The following RAB40B variants were observed in gnomAD, a reference collection of about 807,000 sequenced individuals.
The protein encoded by RAB40B is ras-related protein Rab-40B.
RAB40B carries 21 observed loss-of-function variants against 24.0 expected under a neutral mutation model. The ratio of observed to expected loss-of-function variants is 0.88; its 90% confidence interval spans 0.62 to 1.26. The LOEUF (loss-of-function observed/expected upper bound fraction) is 1.26. Among genes scored for constraint, RAB40B ranks in the 50% most tolerant of loss-of-function variants. The pLI, the probability that RAB40B is intolerant of heterozygous loss-of-function variation, is 0.00. For missense variants in RAB40B, 348 were observed against 390.5 expected (o/e 0.89, Z 0.92); for synonymous variants, 167 against 169.8 (o/e 0.98, Z 0.13).
intron 3 of RAB40B, among the ~76,000 whole-genome samples, chr17:82,660,679 C>G (rs2046159121): frequency 1.2e-5 from 1 of 86,762 alleles, no homozygotes; most frequent in Non-Finnish European, 2.7e-5. Flanking sequence ...CGTACCTGCA[C>G]ACACATGTAC....
rs2046274986 is a variant in RAB40B at position 82,667,698 on chromosome 17, A to G, written c.143-3142T>C. Among the ~76,000 whole-genome samples the G allele has an allele frequency of 6.6e-6, 1 of 152,116 alleles. No homozygotes were observed. Among genetic ancestry groups the G allele is most frequent in the Non-Finnish European group, 1.5e-5 (1 of 68,028 alleles). On this transcript the variant is annotated intron_variant, in intron 1 of 5. Coordinates refer to ENST00000571995, the MANE Select transcript of RAB40B (RefSeq NM_006822.3). The surrounding 1 kb of genome is among the most constrained non-coding windows in gnomAD (Gnocchi z 4.3). ...GGTAGATTAGACCAAGCAACACCAG[A>G]GCAAACTCCCCCCGTCAGAGGAGAG...
intron 1 of RAB40B, among the ~76,000 whole-genome samples, chr17:82,686,337 C>T (rs552057609): frequency 6.6e-6 from 1 of 152,158 alleles, no homozygotes; most frequent in Admixed American, 6.5e-5. Flanking sequence ...GTCTCGAACT[C>T]CTGACCTCAA....
At chr17:82,670,937 G>A (rs933598991) in intron 1 of RAB40B, among the ~76,000 whole-genome samples, 17 of 151,966 alleles carry the variant, frequency 1.1e-4, no homozygotes, top group Non-Finnish European at 1.8e-4. Flanking sequence ...CACGATCCAC[G>A]ATGTTGGACC....
chr17:82,676,527 A>T (rs572672440), intron 1 of RAB40B, among the ~76,000 whole-genome samples: 31 of 143,830 alleles, frequency 2.2e-4, no homozygotes, highest in African/African-American at 7.2e-4. Context: ...CTTCCCAGCC[A>T]CCCCTACAAA....
intron 1 of RAB40B, among the ~76,000 whole-genome samples, chr17:82,685,062 G>A (rs376923678): frequency 6.6e-5 from 10 of 150,904 alleles, no homozygotes; most frequent in Admixed American, 1.3e-4. Context: ...GCAGTGAGCC[G>A]AGATCATACC....
At chr17:82,690,892 G>A (rs1000594011) in intron 1 of RAB40B, among the ~76,000 whole-genome samples, 1 of 152,218 alleles carries the variant, frequency 6.6e-6, no homozygotes, top group African/African-American at 2.4e-5. Flanking sequence ...TGCCCCGGGG[G>A]AGCATGGAGT....
At chr17:82,658,283 C>T (rs2046112402) in intron 5 of RAB40B, 149 bp from the exon 6 acceptor site, 1 of 1,170,024 alleles carries the variant, frequency 8.5e-7, no homozygotes, top group Non-Finnish European at 1.2e-6. Context: ...GCCGCGACGT[C>T]CCCTCTGCCC....
At position 82,698,623 on chromosome 17, in the gene RAB40B, G is replaced by C; in HGVS notation, c.-27C>G. ...GTGACGGCCCGGCGCCCCCACCCAT[G>C]CCCGGCCTGCGGGGCTGAGCGCAGA... On this transcript the variant is annotated 5_prime_UTR_variant, in exon 1 of 6. Transcript: ENST00000571995. 1 of 1,402,234 alleles carries C rather than the reference G, an allele frequency of 7.1e-7. No individual in the cohort carries two copies. Among genetic ancestry groups the C allele is most frequent in the South Asian group, 1.5e-5 (1 of 68,370 alleles). 86.9% of individuals were successfully genotyped at this position (1,402,234 alleles called of 1,614,324 possible).
At chr17:82,676,049 TC>T (rs2046390588) in intron 1 of RAB40B, among the ~76,000 whole-genome samples, 1 of 151,930 alleles carries the variant, frequency 6.6e-6, no homozygotes, top group Admixed American at 6.6e-5. Context: ...TCAAATCCAG[TC>T]CCAACACCAA....
intron 1 of RAB40B, among the ~76,000 whole-genome samples, chr17:82,689,753 G>A (rs1191138568): frequency 1.3e-5 from 2 of 152,102 alleles, no homozygotes; most frequent in Non-Finnish European, 2.9e-5. Context: ...TGGATCACGA[G>A]GTCAGGAGTT....
chr17:82,660,881 A>G, intron 3 of RAB40B, 106 bp downstream of exon 3: 4 of 1,402,476 alleles, frequency 2.9e-6, no homozygotes, highest in Non-Finnish European at 3.9e-6. Context: ...ACGTAAGCTT[A>G]ACCGCCTTGT....
intron 1 of RAB40B, chr17:82,696,602 TCAATCTC>T (rs2046612203): frequency 1.3e-5 from 2 of 153,282 alleles, no homozygotes; most frequent in Non-Finnish European, 2.8e-5. Context: ...CTCCAGGCGC[TCAATCTC>T]CAGCCCTGTC....
At chr17:82,669,202 G>A (rs1219755213) in intron 1 of RAB40B, among the ~76,000 whole-genome samples, 2 of 151,606 alleles carry the variant, frequency 1.3e-5, no homozygotes, top group Non-Finnish European at 1.5e-5. Context: ...GGGCCTGGGC[G>A]CGGTGGCTCA....
At chr17:82,659,509 G>T in intron 4 of RAB40B, 71 bp downstream of exon 4, 1 of 1,498,398 alleles carries the variant, frequency 6.7e-7, no homozygotes, top group East Asian at 2.3e-5. Context: ...TGGAGGGCCC[G>T]GCCCTAATTC....
At chr17:82,676,614 CCTA>C (rs2046397380) in intron 1 of RAB40B, among the ~76,000 whole-genome samples, 1 of 151,998 alleles carries the variant, frequency 6.6e-6, no homozygotes, top group Non-Finnish European at 1.5e-5. Context: ...GCTTCAGTGG[CCTA>C]CTAATTTTTC....
intron 1 of RAB40B, chr17:82,664,971 A>G (rs1429548374): frequency 5.3e-6 from 1 of 189,414 alleles, no homozygotes; most frequent in Non-Finnish European, 1.1e-5. Context: ...TCTGTTTCCA[A>G]GGGAACGGGG....
At position 82,698,604 on chromosome 17, in the gene RAB40B, GC is replaced by G. The variant is rs1203591563; in HGVS notation, c.-9del. 2 of 1,444,880 alleles carry G rather than the reference GC, an allele frequency of 1.4e-6. No individual in the cohort carries two copies. Among genetic ancestry groups the G allele is most frequent in the Non-Finnish European group, 1.8e-6 (2 of 1,083,284 alleles). The allele number at this position is 1,444,880 out of a possible 1,614,324, so 89.5% of individuals were successfully genotyped here. A position where few individuals can be genotyped will look rare whatever the true frequency, so the allele number is the denominator to read the frequency against. ...GCTGCCCAGGGCGCTCATCGTGACG[GC>G]CCGGCGCCCCCACCCATGCCCGGCC... On this transcript the variant is annotated 5_prime_UTR_variant, in exon 1 of 6. Coordinates refer to ENST00000571995, the MANE Select transcript of RAB40B (RefSeq NM_006822.3).
chr17:82,660,055 G>A (rs562792300), intron 3 of RAB40B, among the ~76,000 whole-genome samples: 19 of 152,166 alleles, frequency 1.2e-4, no homozygotes, highest in African/African-American at 3.1e-4. Context: ...CACAGTGCAC[G>A]TACCTGCACA....
chr17:82,674,401 G>A (rs1292648474), intron 1 of RAB40B, among the ~76,000 whole-genome samples: 5 of 151,268 alleles, frequency 3.3e-5, no homozygotes. Context: ...GGAGGCCAAG[G>A]TGGGCGGATC....
Sources: allele counts gnomAD v4.1 joint callset (sites outside exome capture counted in the v4.1 genomes callset), GRCh38; gene constraint gnomAD v4.1.1; non-coding constraint Gnocchi (gnomAD v3.1); transcripts MANE v1.5; gene names NCBI Gene and HGNC (gene_info 2026-07-23, HGNC 2026-07-21).